ZDHHC2: variants seen among roughly 807,000 people sequenced by gnomAD.
The protein encoded by ZDHHC2 is zDHHC palmitoyltransferase 2.
A neutral mutation model predicts 55.6 loss-of-function variants in ZDHHC2; 51 were observed. That is an observed-to-expected ratio of 0.92 (90% CI 0.73 to 1.16). ZDHHC2 has a LOEUF of 1.16. Among genes scored for constraint, ZDHHC2 ranks in the 50% most tolerant of loss-of-function variants. The pLI, the probability that ZDHHC2 is intolerant of heterozygous loss-of-function variation, is 0.00. For missense variants in ZDHHC2, 491 were observed against 442.4 expected (o/e 1.11, Z -0.99); for synonymous variants, 199 against 152.9 (o/e 1.30, Z -2.22).
In ZDHHC2 at chr8:17,199,561, C is replaced by CT. The variant is rs1563161377; in HGVS notation, c.476+1150dup. ...CTTCGTCTTCTGTCTTCGTCTTCGT[C>CT]TTCTTCGTCTTTGTCTTCTTCTTCT... is the stretch of plus-strand genomic sequence containing the variant. On this transcript the variant is annotated intron_variant, in intron 6 of 12. Transcript: ENST00000262096. Among the ~76,000 whole-genome samples, 6 of 74,026 alleles carry CT rather than the reference C, an allele frequency of 8.1e-5. 1 individual carries two copies. Among genetic ancestry groups the CT allele is most frequent in the Non-Finnish European group, 2.0e-4 (5 of 25,016 alleles). The allele number at this position is 74,026 out of a possible 152,430, so 48.6% of individuals were successfully genotyped here. A position where few individuals can be genotyped will look rare whatever the true frequency, so the allele number is the denominator to read the frequency against.
At chr8:17,217,144 A>T (rs1330143372) in intron 11 of ZDHHC2, 28 bp from the exon 12 acceptor site, 2 of 1,605,808 alleles carry the variant, frequency 1.2e-6, no homozygotes, top group African/African-American at 2.7e-5. Context: ...AAGCAACCAA[A>T]AATGCTAACT....
chr8:17,210,145 G>A (rs752254875), intron 9 of ZDHHC2, 87 bp downstream of exon 9: 16 of 1,422,154 alleles, frequency 1.1e-5, no homozygotes, highest in Non-Finnish European at 1.5e-5. Flanking sequence ...TAGTTCCATA[G>A]GCTTGTAATT....
intron 1 of ZDHHC2, among the ~76,000 whole-genome samples, chr8:17,166,713 CTG>C (rs988821779): frequency 1.6e-4 from 25 of 152,174 alleles, no homozygotes; most frequent in Middle Eastern, 3.4e-3. Flanking sequence ...GGGAGGAAAA[CTG>C]AGAGAGTGTG....
intron 4 of ZDHHC2, among the ~76,000 whole-genome samples, chr8:17,197,241 A>G (rs960914324): frequency 5.3e-5 from 8 of 152,186 alleles, no homozygotes; most frequent in Admixed American, 1.3e-4. Flanking sequence ...ACAGGGTACA[A>G]GAAATAAATT....
chr8:17,183,721 C>A (rs1252446427), intron 1 of ZDHHC2, among the ~76,000 whole-genome samples: 2 of 152,060 alleles, frequency 1.3e-5, no homozygotes, highest in Non-Finnish European at 2.9e-5. Context: ...GCCTCAGTAT[C>A]ACAGGTAAAA....
rs774052130 is a variant in ZDHHC2, at chr8:17,186,349, A to G, written c.176A>G (p.Tyr59Cys). Residue 59 changes from tyrosine (Y) to cysteine (C), a missense_variant, in exon 3 of 13, where the codon TAT (tyrosine) becomes TGT (cysteine). Physicochemically the swap from Tyr to Cys is radical, Grantham distance 194. Transcript: ENST00000262096. ...TGEQVVCLMAYHLLFAMFVWS... is the reference protein window; with the variant it reads ...TGEQVVCLMACHLLFAMFVWS... Reference sequence around the variant, plus strand: ...ATTTTAGTTGTGTGCCTGATGGCCTATCATCTACTTTTTGCAATGTTTGTC... The same window carrying G: ...ATTTTAGTTGTGTGCCTGATGGCCTGTCATCTACTTTTTGCAATGTTTGTC... The G allele has an allele frequency of 8.8e-6, 14 of 1,596,736 alleles. No individual in the cohort carries two copies. The highest frequency in any genetic ancestry group is 5.3e-5 in the Admixed American group (3 of 56,652).
chr8:17,174,025 A>T (rs1438766057), intron 1 of ZDHHC2, among the ~76,000 whole-genome samples: 1 of 151,902 alleles, frequency 6.6e-6, no homozygotes, highest in Non-Finnish European at 1.5e-5. Flanking sequence ...CAAGCAAAGG[A>T]GAGAGACCTA....
chr8:17,172,296 G>A (rs572630551), intron 1 of ZDHHC2, among the ~76,000 whole-genome samples: 4 of 152,260 alleles, frequency 2.6e-5, no homozygotes, highest in South Asian at 4.1e-4. Context: ...CTTGGCCGCC[G>A]GCTAAATATA....
chr8:17,188,803 A>G (rs1388483066), intron 3 of ZDHHC2, among the ~76,000 whole-genome samples: 1 of 152,210 alleles, frequency 6.6e-6, no homozygotes, highest in Non-Finnish European at 1.5e-5. Context: ...ACAACTGAAA[A>G]CAAACTTCTG....
At position 17,223,548 on chromosome 8, in the gene ZDHHC2, A is replaced by G. The variant is rs996785421; in HGVS notation, c.*3327A>G. 3 of 151,860 alleles carry G rather than the reference A, an allele frequency of 2.0e-5. No homozygotes were observed. Among genetic ancestry groups the G allele is most frequent in the African/African-American group, 7.2e-5 (3 of 41,424 alleles). The allele number at this position is 151,860 out of a possible 1,614,324, so 9.4% of individuals were successfully genotyped here. A position where few individuals can be genotyped will look rare whatever the true frequency, so the allele number is the denominator to read the frequency against. ...GCCAGTTCAGCACCGATTTCCTCTT[A>G]TATGTGGAAGGAGACTATGTTACAT... is the stretch of plus-strand genomic sequence containing the variant. On this transcript the variant is annotated 3_prime_UTR_variant, in exon 13 of 13. Coordinates refer to ENST00000262096, the MANE Select transcript of ZDHHC2 (RefSeq NM_016353.5).
rs1329624794 is a variant in ZDHHC2 at position 17,211,563 on chromosome 8, C to G, written c.950+1083C>G. Among the ~76,000 whole-genome samples the G allele has an allele frequency of 2.6e-5, 4 of 152,146 alleles. No individual in the cohort carries two copies. In the East Asian group the frequency reaches 7.7e-4, roughly 29 times the overall value. On this transcript the variant is annotated intron_variant, in intron 10 of 12. Transcript: ENST00000262096. ...GGAGTGCAGTGGAGTGATCATGGCT[C>G]ACTGCAGCCATGACCGCCCAGGATC...
At chr8:17,203,807 T>A (rs1806943420) in intron 6 of ZDHHC2, among the ~76,000 whole-genome samples, 1 of 100,732 alleles carries the variant, frequency 9.9e-6, no homozygotes. Flanking sequence ...CTTCTTTTTT[T>A]TCTTTTTTTT....
chr8:17,205,391 A>G (rs1029705124), intron 6 of ZDHHC2, among the ~76,000 whole-genome samples: 12 of 152,242 alleles, frequency 7.9e-5, no homozygotes, highest in African/African-American at 2.4e-4. Context: ...AGGGATGTGC[A>G]TACTTGCGTA....
intron 3 of ZDHHC2, among the ~76,000 whole-genome samples, chr8:17,191,330 C>G (rs1296413804): frequency 2.6e-5 from 4 of 152,164 alleles, no homozygotes; most frequent in African/African-American, 9.7e-5. Context: ...CTCCTGACCT[C>G]AAGTGATCCA....
intron 1 of ZDHHC2, among the ~76,000 whole-genome samples, chr8:17,166,110 A>G (rs779349397): frequency 1.3e-5 from 2 of 152,184 alleles, no homozygotes; most frequent in African/African-American, 2.4e-5. Flanking sequence ...AATCCACTGC[A>G]GGGTGTTGAG....
Position 17,172,525 on chromosome 8 carries a change from T to A in ZDHHC2, c.131-12264T>A, listed in dbSNP as rs184934243. On this transcript the variant is annotated intron_variant, in intron 1 of 12. Transcript: ENST00000262096. The stretch of plus-strand genomic sequence containing the variant: ...GAGATCGGCTCTACATCCACGTGCC[T>A]ATACTCAACCATACGGTATTATGCA... Among the ~76,000 whole-genome samples the A allele has an allele frequency of 4.7e-3, 717 of 152,322 alleles. 3 individuals carry two copies. Among genetic ancestry groups the A allele is most frequent in the Non-Finnish European group, 6.9e-3 (470 of 68,012 alleles).
intron 1 of ZDHHC2, among the ~76,000 whole-genome samples, chr8:17,183,889 T>A (rs947583094): frequency 6.6e-6 from 1 of 152,064 alleles, no homozygotes; most frequent in Non-Finnish European, 1.5e-5. Context: ...GGCAGGAGAT[T>A]GGTTGGACTG....
intron 4 of ZDHHC2, 73 bp from the exon 5 acceptor site, chr8:17,197,509 A>G (rs1585706278): frequency 8.0e-7 from 1 of 1,255,452 alleles, no homozygotes; most frequent in Non-Finnish European, 1.1e-6. Flanking sequence ...ATTTGGAGAG[A>G]TGATAAAAGC....
rs1808010928 is a variant in ZDHHC2 at position 17,223,740 on chromosome 8, A to G, written c.*3519A>G. 6.6e-6 allele frequency: 1 copy of G among 151,866 alleles called. No homozygotes were observed. Among genetic ancestry groups the G allele is most frequent in the South Asian group, 2.1e-4 (1 of 4,824 alleles). 9.4% of individuals were successfully genotyped at this position (151,866 alleles called of 1,614,324 possible). A position where few individuals can be genotyped will look rare whatever the true frequency, so the allele number is the denominator to read the frequency against. On this transcript the variant is annotated 3_prime_UTR_variant, in exon 13 of 13. Coordinates refer to ENST00000262096, the MANE Select transcript of ZDHHC2 (RefSeq NM_016353.5). ...TTAACCTAGATTTTACAACTGAGCA[A>G]TCTGTTCCCCACCAGATTTCCTTTA...
Sources: gnomAD v4.1 joint callset for allele counts (sites outside exome capture counted in the v4.1 genomes callset) on GRCh38, gnomAD v4.1.1 for gene constraint, MANE v1.5 for transcripts, NCBI Gene and HGNC (gene_info 2026-07-23, HGNC 2026-07-21) for gene names.